Variants in PCDH11X observed in about 807,000 individuals in gnomAD.
PCDH11X encodes the protein protocadherin 11 X-linked, also known as protocadherin-11 X-linked.
In PCDH11X, 18 loss-of-function variants were observed where a neutral mutation model predicts 53.3. That is an observed-to-expected ratio of 0.34 (90% CI 0.23 to 0.50). The LOEUF is 0.50. Ranked by LOEUF, PCDH11X falls within the 20% of genes least tolerant of loss-of-function variation. The pLI, the probability that PCDH11X is intolerant of heterozygous loss-of-function variation, is 0.98. For missense variants in PCDH11X, 570 were observed against 1,032.4 expected (o/e 0.55, Z 6.14); for synonymous variants, 279 against 393.3 (o/e 0.71, Z 3.44).
chrX:92,403,946 G>C (rs2071453587), intron 9 of PCDH11X, among the ~76,000 whole-genome samples: 1 of 110,594 alleles, frequency 9.0e-6, no homozygotes, highest in Admixed American at 9.8e-5. Context: ...TAAGAAGATG[G>C]TTGGAATGAG....
At chrX:91,780,908 A>G (rs980457716) in intron 1 of PCDH11X, among the ~76,000 whole-genome samples, 2 of 112,251 alleles carry the variant, frequency 1.8e-5, no homozygotes, top group African/African-American at 6.5e-5. Context: ...TCTCCCAGGG[A>G]AAGACTTTTA....
At chrX:91,927,252 A>G (rs757889527) in intron 6 of PCDH11X, among the ~76,000 whole-genome samples, 31 of 109,553 alleles carry the variant, frequency 2.8e-4, no homozygotes, top group African/African-American at 9.9e-4. Flanking sequence ...AGTCAATATG[A>G]TCGCAAGTTT....
chrX:92,363,916 G>A (rs2070402222), intron 8 of PCDH11X, among the ~76,000 whole-genome samples: 1 of 111,535 alleles, frequency 9.0e-6, no homozygotes, highest in Admixed American at 9.6e-5. Flanking sequence ...TTGATATGAT[G>A]AGGTATGTTT....
At chrX:91,816,727 T>C (rs1019574933) in intron 4 of PCDH11X, among the ~76,000 whole-genome samples, 4 of 111,083 alleles carry the variant, frequency 3.6e-5, no homozygotes, top group African/African-American at 9.8e-5. Context: ...CTGAGGGACA[T>C]TGGAGATGGA....
At chrX:92,588,372 G>GTGTATATA (rs1556507881) in intron 10 of PCDH11X, among the ~76,000 whole-genome samples, 35 of 97,784 alleles carry the variant, frequency 3.6e-4, no homozygotes, top group African/African-American at 1.3e-3. Flanking sequence ...GTGTGTGTGT[G>GTGTATATA]TATATATATA....
At chrX:92,348,292 T>C (rs895308618) in intron 8 of PCDH11X, among the ~76,000 whole-genome samples, 10 of 110,718 alleles carry the variant, frequency 9.0e-5, no homozygotes, top group Non-Finnish European at 1.7e-4. Flanking sequence ...AAACAAAAGA[T>C]ACAAATAAGT....
intron 6 of PCDH11X, among the ~76,000 whole-genome samples, chrX:92,186,354 G>A (rs138804544): frequency 2.4e-4 from 27 of 111,922 alleles, no homozygotes; most frequent in African/African-American, 8.4e-4. Context: ...TTTTAGCTGG[G>A]CGTAGTGGCT....
intron 6 of PCDH11X, among the ~76,000 whole-genome samples, chrX:92,092,914 A>T (rs192078415): frequency 0.024 from 2,636 of 110,988 alleles, 72 homozygotes; most frequent in African/African-American, 0.082. Context: ...GCGGTTTCTC[A>T]TGGTTTACCA....
intron 10 of PCDH11X, among the ~76,000 whole-genome samples, chrX:92,519,044 T>C (rs1439348948): frequency 9.0e-6 from 1 of 110,547 alleles, no homozygotes; most frequent in African/African-American, 3.3e-5. Flanking sequence ...TTTTTTAAGT[T>C]CTGATTCTGC....
rs780494182 is a variant in PCDH11X at position 92,231,776 on chromosome X, A to G, written c.3114+30321A>G. On this transcript the variant is annotated intron_variant, in intron 7 of 10. Transcript: ENST00000682573. Reference sequence around the variant, plus strand: ...TATATAAAATGGGAGATTACAAGGCATATGCCAATTTTAAGTTCTTATGGA... The same window carrying G: ...TATATAAAATGGGAGATTACAAGGCGTATGCCAATTTTAAGTTCTTATGGA... Among the ~76,000 whole-genome samples, 7 of 112,228 alleles carry G rather than the reference A, an allele frequency of 6.2e-5. No individual in the cohort carries two copies. In the South Asian group the frequency reaches 2.6e-3, roughly 41 times the overall value.
chrX:92,056,001 T>C (rs938450685), intron 6 of PCDH11X, among the ~76,000 whole-genome samples: 1 of 109,854 alleles, frequency 9.1e-6, no homozygotes, highest in African/African-American at 3.3e-5. Context: ...TGAACATATG[T>C]GTACACATGT....
chrX:92,344,675 TAAAG>T (rs946356272), intron 8 of PCDH11X, among the ~76,000 whole-genome samples: 2 of 98,468 alleles, frequency 2.0e-5, no homozygotes, highest in Non-Finnish European at 4.0e-5. Context: ...TGATGCTTGA[TAAAG>T]AAATAAGATA....
chrX:92,175,197 G>A (rs935793725), intron 6 of PCDH11X, among the ~76,000 whole-genome samples: 14 of 110,850 alleles, frequency 1.3e-4, no homozygotes, highest in Non-Finnish European at 2.6e-4. Context: ...GGCTGGTCTC[G>A]AACTCCCGAC....
At chrX:92,105,661 GAGTGGGGGTCGCAAGGTGCTC>G (rs1302078058) in intron 6 of PCDH11X, among the ~76,000 whole-genome samples, 14 of 106,131 alleles carry the variant, frequency 1.3e-4, no homozygotes, top group Non-Finnish European at 1.7e-4. Flanking sequence ...CAGTGGGCAG[GAGTGGGGGTCGCAAGGTGCTC>G]AGTGGGGGTG....
At chrX:92,423,444 G>T (rs2072024874) in intron 9 of PCDH11X, among the ~76,000 whole-genome samples, 1 of 94,608 alleles carries the variant, frequency 1.1e-5, no homozygotes, top group Admixed American at 1.1e-4. Context: ...AGGGTTGTCT[G>T]TTTACTCTGC....
At chrX:91,823,477 T>A (rs1313923628) in intron 4 of PCDH11X, among the ~76,000 whole-genome samples, 1 of 111,430 alleles carries the variant, frequency 9.0e-6, no homozygotes, top group Non-Finnish European at 1.9e-5. Flanking sequence ...GTCTGTTTTA[T>A]CAGAGACTAG....
chrX:91,926,143 GAAATT>G (rs764897114), intron 6 of PCDH11X, among the ~76,000 whole-genome samples: 5 of 102,495 alleles, frequency 4.9e-5, no homozygotes, highest in Non-Finnish European at 7.9e-5. Flanking sequence ...TTTATTATAA[GAAATT>G]AAAGCATAAG....
At chrX:92,160,941 C>A (rs1325181496) in intron 6 of PCDH11X, among the ~76,000 whole-genome samples, 1 of 111,033 alleles carries the variant, frequency 9.0e-6, no homozygotes, top group Non-Finnish European at 1.9e-5. Context: ...TGATCAGTTT[C>A]TTATATGTTT....
At chrX:92,089,298 C>T (rs773365444) in intron 6 of PCDH11X, among the ~76,000 whole-genome samples, 1 of 111,541 alleles carries the variant, frequency 9.0e-6, no homozygotes, top group African/African-American at 3.2e-5. Flanking sequence ...CTAAATATAA[C>T]AATTTGATTT....
Sources: gnomAD v4.1 joint callset for allele counts (sites outside exome capture counted in the v4.1 genomes callset) on GRCh38, gnomAD v4.1.1 for gene constraint, MANE v1.5 for transcripts, NCBI Gene and HGNC (gene_info 2026-07-23, HGNC 2026-07-21) for gene names.